Variants in SHISA6 observed in about 807,000 individuals in gnomAD.
The protein encoded by SHISA6 is shisa family member 6.
In SHISA6, 22 loss-of-function variants were observed where a neutral mutation model predicts 47.9. The observed-to-expected ratio is 0.46, with a 90% CI of 0.33 to 0.66. The LOEUF is 0.66. Ranked by LOEUF, SHISA6 falls within the 30% of genes least tolerant of loss-of-function variation. The pLI is 0.02. For synonymous variants in SHISA6, 388 were observed against 337.8 expected (o/e 1.15, Z -1.63); for missense variants, 680 against 764.6 (o/e 0.89, Z 1.30).
chr17:11,296,023 G>A (rs1407601977), intron 2 of SHISA6, among the ~76,000 whole-genome samples: 1 of 151,272 alleles, frequency 6.6e-6, no homozygotes. Flanking sequence ...AATAGCAAGT[G>A]CAAGGGCGCT....
chr17:11,543,266 G>T (rs73975008), intron 3 of SHISA6, among the ~76,000 whole-genome samples: 5,754 of 151,996 alleles, frequency 0.038, 346 homozygotes, highest in African/African-American at 0.13. Context: ...CATATATATA[G>T]AGAGAGATGT....
chr17:11,466,801 C>T (rs763834197), intron 3 of SHISA6, among the ~76,000 whole-genome samples: 8 of 152,288 alleles, frequency 5.3e-5, no homozygotes, highest in African/African-American at 9.6e-5. Flanking sequence ...TTGCCTCCCA[C>T]GGGGACCGTT....
intron 3 of SHISA6, among the ~76,000 whole-genome samples, chr17:11,499,683 C>CTTTTTTTTTTTTTTTTTTTTTT (rs372464937): frequency 5.5e-5 from 7 of 127,560 alleles, no homozygotes; most frequent in African/African-American, 1.2e-4. Context: ...CTTTTTCTTT[C>CTTTTTTTTTTTTTTTTTTTTTT]TTTTTTTTTT....
chr17:11,385,990 G>C (rs773195993), intron 3 of SHISA6, among the ~76,000 whole-genome samples: 110 of 152,148 alleles, frequency 7.2e-4, no homozygotes, highest in Non-Finnish European at 1.5e-3. Flanking sequence ...GGGGTGGGAG[G>C]GGGGAACATC....
intron 3 of SHISA6, among the ~76,000 whole-genome samples, chr17:11,516,044 C>T (rs535909783): frequency 6.6e-6 from 1 of 152,286 alleles, no homozygotes; most frequent in South Asian, 2.1e-4. Context: ...AGATATGTGG[C>T]AGATTTTTTA....
At chr17:11,330,335 AG>A (rs1339451522) in intron 2 of SHISA6, among the ~76,000 whole-genome samples, 3 of 152,296 alleles carry the variant, frequency 2.0e-5, no homozygotes, top group African/African-American at 7.2e-5. Flanking sequence ...TACCAATGTT[AG>A]GGCTTCCAGG....
intron 2 of SHISA6, among the ~76,000 whole-genome samples, chr17:11,298,252 C>T (rs1909815675): frequency 6.6e-6 from 1 of 152,198 alleles, no homozygotes; most frequent in Non-Finnish European, 1.5e-5. Flanking sequence ...GTGCCTACTG[C>T]CTCTAGCCTG....
intron 3 of SHISA6, among the ~76,000 whole-genome samples, chr17:11,447,650 C>T (rs1409240841): frequency 6.6e-6 from 1 of 152,224 alleles, no homozygotes; most frequent in Non-Finnish European, 1.5e-5. Context: ...ACGTATAATA[C>T]CTTTGCTGAT....
chr17:11,529,552 A>G (rs2071715409), intron 3 of SHISA6, among the ~76,000 whole-genome samples: 1 of 152,310 alleles, frequency 6.6e-6, no homozygotes, highest in South Asian at 2.1e-4. Flanking sequence ...ATGTGTCCCA[A>G]TTGGGGATGG....
At chr17:11,466,518 G>T (rs985839359) in intron 3 of SHISA6, among the ~76,000 whole-genome samples, 3 of 152,108 alleles carry the variant, frequency 2.0e-5, no homozygotes, top group Non-Finnish European at 4.4e-5. Context: ...CATCCTCAGG[G>T]CTTACTGTTC....
chr17:11,349,266 C>T (rs764328317), intron 2 of SHISA6, among the ~76,000 whole-genome samples: 13 of 152,172 alleles, frequency 8.5e-5, no homozygotes, highest in Non-Finnish European at 1.5e-4. Flanking sequence ...CTGACCTCAT[C>T]CCCCAAAGGT....
intron 3 of SHISA6, among the ~76,000 whole-genome samples, chr17:11,449,707 G>T (rs1915331999): frequency 6.6e-6 from 1 of 152,192 alleles, no homozygotes. Flanking sequence ...TTTTCTCATG[G>T]TTCTGGAGGC....
intron 3 of SHISA6, among the ~76,000 whole-genome samples, chr17:11,429,405 G>A (rs1428199927): frequency 6.6e-5 from 10 of 152,190 alleles, no homozygotes; most frequent in Admixed American, 5.2e-4. Context: ...GTTGGGGGAG[G>A]GAACCATAGG....
intron 2 of SHISA6, among the ~76,000 whole-genome samples, chr17:11,299,062 A>G (rs1032590196): frequency 2.0e-5 from 3 of 152,200 alleles, no homozygotes; most frequent in Non-Finnish European, 2.9e-5. Flanking sequence ...ATGACCAAGA[A>G]TGGTTGAATC....
At chr17:11,464,197 G>A (rs562393978) in intron 3 of SHISA6, among the ~76,000 whole-genome samples, 17 of 152,226 alleles carry the variant, frequency 1.1e-4, no homozygotes, top group African/African-American at 1.7e-4. Flanking sequence ...GATTACAGAC[G>A]TGAGCCACTG....
Position 11,561,572 on chromosome 17 carries a change from G to A in SHISA6, c.*3268G>A, listed in dbSNP as rs1014409310. 5 of 152,218 alleles carry A rather than the reference G, an allele frequency of 3.3e-5. No individual in the cohort carries two copies. The highest frequency in any genetic ancestry group is 5.9e-5 in the Non-Finnish European group (4 of 68,120). 9.4% of individuals were successfully genotyped at this position (152,218 alleles called of 1,614,324 possible). A position where few individuals can be genotyped will look rare whatever the true frequency, so the allele number is the denominator to read the frequency against. On this transcript the variant is annotated 3_prime_UTR_variant, in exon 6 of 6. Coordinates refer to ENST00000441885, the MANE Select transcript of SHISA6 (RefSeq NM_207386.4). Reference sequence around the variant, plus strand: ...GGGCCACACGACTGCCTCTTAGAAAGTTCCAACCTTGCCCCCAATTCAAAT... The same window carrying A: ...GGGCCACACGACTGCCTCTTAGAAAATTCCAACCTTGCCCCCAATTCAAAT...
intron 3 of SHISA6, among the ~76,000 whole-genome samples, chr17:11,537,201 G>A (rs899291091): frequency 6.6e-6 from 1 of 152,026 alleles, no homozygotes; most frequent in Non-Finnish European, 1.5e-5. Flanking sequence ...TCAAGAAAAA[G>A]AGCACTCACT....
At chr17:11,441,433 T>G (rs576981551) in intron 3 of SHISA6, among the ~76,000 whole-genome samples, 1 of 152,316 alleles carries the variant, frequency 6.6e-6, no homozygotes, top group East Asian at 1.9e-4. Flanking sequence ...CTGTCCTCAG[T>G]TGGAATGAGC....
intron 2 of SHISA6, among the ~76,000 whole-genome samples, chr17:11,304,781 C>T (rs1461234013): frequency 5.3e-5 from 8 of 150,746 alleles, no homozygotes; most frequent in Non-Finnish European, 1.0e-4. Context: ...AGCCCTGAGA[C>T]TTGCCAGAAC....
Sources: gnomAD v4.1 joint callset for allele counts (sites outside exome capture counted in the v4.1 genomes callset) on GRCh38, gnomAD v4.1.1 for gene constraint, MANE v1.5 for transcripts, NCBI Gene and HGNC (gene_info 2026-07-23, HGNC 2026-07-21) for gene names.